Variants in SAMMSON observed in about 807,000 individuals in gnomAD.
SAMMSON encodes survival associated mitochondrial melanoma specific oncogenic non-coding RNA, also known as long intergenic non-protein coding RNA 1212.
Position 70,029,313 on chromosome 3 carries a change from C to A in SAMMSON, n.417+15641C>A, listed in dbSNP as rs116926116. Among the ~76,000 whole-genome samples the A allele has an allele frequency of 4.8e-4, 73 of 152,184 alleles. 1 individual carries two copies. In the East Asian group the frequency reaches 0.014, roughly 29 times the overall value. On this transcript the variant is annotated intron_variant and non_coding_transcript_variant, in intron 3 of 9. Transcript: ENST00000642114. ...AAAGTCTTTTAAACATACCATTATG[C>A]CTAATCTTTGAACAATGGATGAGAC...
At chr3:70,385,234 C>T (rs1444541927) in intron 9 of SAMMSON, among the ~76,000 whole-genome samples, 5 of 151,858 alleles carry the variant, frequency 3.3e-5, no homozygotes, top group Non-Finnish European at 5.9e-5. Flanking sequence ...TTAATTTTTT[C>T]GTGAAGATTA....
intron 3 of SAMMSON, among the ~76,000 whole-genome samples, chr3:70,048,092 A>G (rs1457348696): frequency 1.3e-5 from 2 of 151,792 alleles, no homozygotes; most frequent in African/African-American, 4.8e-5. Flanking sequence ...AAGAGTTTAG[A>G]CTCTGGATTT....
chr3:70,158,231 A>G (rs555291257), intron 4 of SAMMSON, among the ~76,000 whole-genome samples: 1 of 152,054 alleles, frequency 6.6e-6, no homozygotes, highest in African/African-American at 2.4e-5. Context: ...TCCCACCTCC[A>G]GCAACCACTA....
At chr3:70,056,889 GA>G (rs35441366) in intron 3 of SAMMSON, among the ~76,000 whole-genome samples, 5 of 151,624 alleles carry the variant, frequency 3.3e-5, no homozygotes, top group Admixed American at 3.3e-4. Flanking sequence ...GTGCTATATT[GA>G]AAAAAAGCCT....
chr3:70,079,653 A>G (rs1559786850), intron 4 of SAMMSON, among the ~76,000 whole-genome samples: 1 of 152,192 alleles, frequency 6.6e-6, no homozygotes, highest in South Asian at 2.1e-4. Context: ...GAGCACACTT[A>G]AGGTGGATTA....
At chr3:70,246,955 G>A (rs930280722) in intron 4 of SAMMSON, among the ~76,000 whole-genome samples, 4 of 151,906 alleles carry the variant, frequency 2.6e-5, no homozygotes, top group African/African-American at 9.7e-5. Context: ...GTTCTGGATG[G>A]AATATTCATG....
At chr3:70,146,002 A>G (rs1162388030) in intron 4 of SAMMSON, among the ~76,000 whole-genome samples, 1 of 152,054 alleles carries the variant, frequency 6.6e-6, no homozygotes, top group African/African-American at 2.4e-5. Flanking sequence ...CACCAGGAGT[A>G]AAAGAGAGAA....
chr3:70,093,645 G>C (rs1395581921), intron 4 of SAMMSON, among the ~76,000 whole-genome samples: 1 of 152,094 alleles, frequency 6.6e-6, no homozygotes, highest in African/African-American at 2.4e-5. Context: ...GTTTGGGTAT[G>C]GTGCACAGAG....
chr3:70,081,103 G>C (rs2067266165), intron 4 of SAMMSON, among the ~76,000 whole-genome samples: 1 of 152,012 alleles, frequency 6.6e-6, no homozygotes. Context: ...AGCTTTCTTT[G>C]TTGTTGTTTT....
At chr3:70,302,720 G>C (rs1702363127) in intron 7 of SAMMSON, 1 of 152,148 alleles carries the variant, frequency 6.6e-6, no homozygotes, top group Non-Finnish European at 1.5e-5. Flanking sequence ...TTGATGTACT[G>C]CCTTATCATC....
At chr3:70,421,900 G>A (rs190532478) in intron 2 of SAMMSON, among the ~76,000 whole-genome samples, 7 of 152,080 alleles carry the variant, frequency 4.6e-5, no homozygotes, top group East Asian at 3.9e-4. Flanking sequence ...TGAGGGCTAC[G>A]TTGATTAAAA....
chr3:70,024,205 C>T (rs2067028002), intron 3 of SAMMSON, among the ~76,000 whole-genome samples: 1 of 152,122 alleles, frequency 6.6e-6, no homozygotes, highest in Non-Finnish European at 1.5e-5. Context: ...ATGAGCGGTA[C>T]AAGTCTAGAC....
chr3:70,200,243 T>A (rs1701224805), intron 4 of SAMMSON, among the ~76,000 whole-genome samples: 1 of 152,200 alleles, frequency 6.6e-6, no homozygotes, highest in South Asian at 2.1e-4. Flanking sequence ...ATGAGCCCGC[T>A]TCAAATTCAT....
intron 4 of SAMMSON, among the ~76,000 whole-genome samples, chr3:70,182,905 T>C (rs546316759): frequency 1.3e-5 from 1 of 76,412 alleles, no homozygotes; most frequent in East Asian, 2.0e-4. Flanking sequence ...TAATGACTAA[T>C]TGGATTTTTT....
At position 70,038,247 on chromosome 3, in the gene SAMMSON, C is replaced by T. The variant is rs527321614; in HGVS notation, n.417+24575C>T. Among the ~76,000 whole-genome samples the T allele has an allele frequency of 7.2e-5, 11 of 152,176 alleles. No individual in the cohort carries two copies. The East Asian group carries it at 2.1e-3, about 29-fold the overall frequency. ...TGCATCTTTCATGAATAGAAGAATG[C>T]CCTTTGTTGTGGGTGAGTTCTCATT... On this transcript the variant is annotated intron_variant and non_coding_transcript_variant, in intron 3 of 9. Transcript: ENST00000642114.
At chr3:70,387,888 G>C (rs1306162743) in intron 9 of SAMMSON, among the ~76,000 whole-genome samples, 1 of 151,996 alleles carries the variant, frequency 6.6e-6, no homozygotes, top group Non-Finnish European at 1.5e-5. Flanking sequence ...TTTTACTGTA[G>C]AACATGATTG....
chr3:70,260,016 A>G (rs768235737), intron 6 of SAMMSON, among the ~76,000 whole-genome samples: 1 of 152,178 alleles, frequency 6.6e-6, no homozygotes, highest in Admixed American at 6.5e-5. Context: ...AATTACCTCT[A>G]TCTGATCTCT....
At chr3:70,129,520 T>C (rs2067473042) in intron 4 of SAMMSON, among the ~76,000 whole-genome samples, 1 of 152,192 alleles carries the variant, frequency 6.6e-6, no homozygotes, top group Non-Finnish European at 1.5e-5. Flanking sequence ...AATATATCTT[T>C]CATAAATAAG....
At chr3:70,017,346 G>A (rs1296599368) in intron 3 of SAMMSON, among the ~76,000 whole-genome samples, 1 of 152,038 alleles carries the variant, frequency 6.6e-6, no homozygotes, top group Non-Finnish European at 1.5e-5. Context: ...TCTCTTTGAA[G>A]CAATTGTGAA....
Sources: gnomAD v4.1 joint callset for allele counts (sites outside exome capture counted in the v4.1 genomes callset) on GRCh38, gnomAD v4.1.1 for gene constraint, MANE v1.5 for transcripts, NCBI Gene and HGNC (gene_info 2026-07-23, HGNC 2026-07-21) for gene names.